The following IKZF2 variants were observed in gnomAD, a reference collection of about 807,000 sequenced individuals.
The protein encoded by IKZF2 is IKAROS family zinc finger 2, also known as zinc finger protein Helios.
Under a neutral mutation model 49.2 loss-of-function variants are expected in IKZF2, and 15 were observed. The observed-to-expected ratio is 0.30, with a 90% CI of 0.20 to 0.47. IKZF2 has a LOEUF of 0.47. IKZF2 is among the 20% of genes least tolerant of loss of function. The probability of loss-of-function intolerance (pLI) is 1.00; values close to 1 mark genes in which losing one functional copy is unlikely to be tolerated. For missense variants in IKZF2, 567 were observed against 664.6 expected (o/e 0.85, Z 1.61); for synonymous variants, 227 against 221.4 (o/e 1.03, Z -0.23).
intron 6 of IKZF2, among the ~76,000 whole-genome samples, chr2:213,037,437 C>T (rs1243247439): frequency 6.6e-6 from 1 of 152,064 alleles, no homozygotes; most frequent in Non-Finnish European, 1.5e-5. Context: ...TTATTAGAAA[C>T]AATAACGAAG....
intron 6 of IKZF2, among the ~76,000 whole-genome samples, chr2:213,030,662 C>A (rs1280820483): frequency 6.6e-6 from 1 of 151,908 alleles, no homozygotes; most frequent in Admixed American, 6.6e-5. Flanking sequence ...TTTAACCCAA[C>A]GTTTTCCAAA....
intron 4 of IKZF2, among the ~76,000 whole-genome samples, chr2:213,145,602 G>A (rs2061028957): frequency 6.6e-6 from 1 of 151,878 alleles, no homozygotes; most frequent in Non-Finnish European, 1.5e-5. Context: ...TATTTGCTTT[G>A]GCAATCTAAA....
At chr2:213,141,663 C>T (rs1420724684) in intron 4 of IKZF2, among the ~76,000 whole-genome samples, 1 of 151,818 alleles carries the variant, frequency 6.6e-6, no homozygotes, top group Non-Finnish European at 1.5e-5. Context: ...AAAAATATTT[C>T]CAAATGAGCA....
chr2:213,146,759 C>CGGCG (rs1553604931), intron 4 of IKZF2, among the ~76,000 whole-genome samples: 1 of 87,168 alleles, frequency 1.1e-5, no homozygotes, highest in African/African-American at 3.9e-5. Flanking sequence ...ATTAAATCTT[C>CGGCG]GGGGGGGGGG....
At chr2:213,056,464 T>C (rs1559215445) in intron 5 of IKZF2, 1 of 336,118 alleles carries the variant, frequency 3.0e-6, no homozygotes, top group South Asian at 2.7e-5. Flanking sequence ...CATTTTGTAG[T>C]ATAAACTCTT....
At chr2:213,135,606 G>A (rs543679794) in intron 4 of IKZF2, among the ~76,000 whole-genome samples, 1 of 151,814 alleles carries the variant, frequency 6.6e-6, no homozygotes, top group South Asian at 2.1e-4. Context: ...GATTGCTTGA[G>A]CCCAGGAGTT....
intron 4 of IKZF2, among the ~76,000 whole-genome samples, chr2:213,077,562 C>A (rs1356278674): frequency 1.5e-5 from 2 of 132,508 alleles, no homozygotes; most frequent in African/African-American, 5.6e-5. Flanking sequence ...GCTTCCAGTT[C>A]TGATACTATT....
chr2:213,016,297 C>A (rs1206467010), intron 7 of IKZF2, among the ~76,000 whole-genome samples: 1 of 152,112 alleles, frequency 6.6e-6, no homozygotes, highest in African/African-American at 2.4e-5. Flanking sequence ...TCAGGGTTTA[C>A]ATCTAGTTAG....
intron 4 of IKZF2, among the ~76,000 whole-genome samples, chr2:213,120,816 C>A (rs958738030): frequency 4.6e-5 from 7 of 152,148 alleles, no homozygotes; most frequent in Non-Finnish European, 1.0e-4. Flanking sequence ...TCTTGGCTCA[C>A]TGCAGCCTCA....
At chr2:213,079,661 ACAGTTGGG>A (rs1217888511) in intron 4 of IKZF2, among the ~76,000 whole-genome samples, 1 of 152,170 alleles carries the variant, frequency 6.6e-6, no homozygotes, top group Non-Finnish European at 1.5e-5. Flanking sequence ...TTGTCCCACC[ACAGTTGGG>A]CAGGATACAT....
intron 6 of IKZF2, among the ~76,000 whole-genome samples, chr2:213,023,124 G>A (rs967811243): frequency 1.3e-5 from 2 of 152,094 alleles, no homozygotes; most frequent in Non-Finnish European, 2.9e-5. Context: ...TGTGATCCAG[G>A]CCCGTGTCTC....
At chr2:213,013,453 A>G (rs545359840) in intron 8 of IKZF2, among the ~76,000 whole-genome samples, 102 of 152,010 alleles carry the variant, frequency 6.7e-4, no homozygotes, top group African/African-American at 2.4e-3. Context: ...ATTTTAAAAC[A>G]GATTACAAAA....
rs1021051706 is a variant in IKZF2 at position 213,087,694 on chromosome 2, C to G, written c.140-30595G>C. Among the ~76,000 whole-genome samples the G allele has an allele frequency of 6.6e-5, 10 of 152,226 alleles. 1 individual carries two copies. In the South Asian group the frequency reaches 2.1e-3, roughly 32 times the overall value. The stretch of plus-strand genomic sequence containing the variant: ...AGGCCCCAGTGTGTGATGTTCCCCA[C>G]CCTGTGTCCAAGTGTTCTCATTGTT... On this transcript the variant is annotated intron_variant, in intron 4 of 8. Transcript: ENST00000434687.
In IKZF2 at chr2:213,116,758, T is replaced by C. The variant is rs1044259402; in HGVS notation, c.139+30950A>G. On this transcript the variant is annotated intron_variant, in intron 4 of 8. Coordinates refer to ENST00000434687, the MANE Select transcript of IKZF2 (RefSeq NM_001387220.1). Reference sequence around the variant, plus strand: ...TGTCTCACACACAAAAATCTGCTATTATCATTTTGTATGGTAATTGGCTCT... The same window carrying C: ...TGTCTCACACACAAAAATCTGCTATCATCATTTTGTATGGTAATTGGCTCT... 2.6e-5 allele frequency among the ~76,000 whole-genome samples: 4 copies of C among 152,116 alleles called. No homozygotes were observed. In the South Asian group the frequency reaches 8.3e-4, roughly 32 times the overall value.
At chr2:213,076,171 A>G (rs1442257430) in intron 4 of IKZF2, among the ~76,000 whole-genome samples, 1 of 152,202 alleles carries the variant, frequency 6.6e-6, no homozygotes, top group African/African-American at 2.4e-5. Context: ...AACTTCATGA[A>G]ACCCCATTAC....
intron 6 of IKZF2, among the ~76,000 whole-genome samples, chr2:213,042,007 G>C (rs964065079): frequency 2.0e-5 from 3 of 152,124 alleles, no homozygotes; most frequent in Non-Finnish European, 2.9e-5. Flanking sequence ...ATTGTAGTTC[G>C]CATCATATAA....
At position 213,005,922 on chromosome 2, in the gene IKZF2, A is replaced by T. The variant is rs1165044754; in HGVS notation, c.*1438T>A. 1 of 152,084 alleles carries T rather than the reference A, an allele frequency of 6.6e-6. No homozygotes were observed. The highest frequency in any genetic ancestry group is 1.5e-5 in the Non-Finnish European group (1 of 67,996). The allele number at this position is 152,084 out of a possible 1,614,324, so 9.4% of individuals were successfully genotyped here. A position where few individuals can be genotyped will look rare whatever the true frequency, so the allele number is the denominator to read the frequency against. ...ATTTCTGACAAGGACTTACACAATT[A>T]AATGTTTTGGAAACAGAAAAATGTG... On this transcript the variant is annotated 3_prime_UTR_variant, in exon 9 of 9. Transcript: ENST00000434687.
chr2:213,138,033 G>C (rs2060737485), intron 4 of IKZF2, among the ~76,000 whole-genome samples: 2 of 152,098 alleles, frequency 1.3e-5, no homozygotes, highest in African/African-American at 4.8e-5. Flanking sequence ...TAATTTATTA[G>C]AACGTGACTT....
chr2:213,013,401 T>C (rs1189151374), intron 8 of IKZF2, among the ~76,000 whole-genome samples: 3 of 58,884 alleles, frequency 5.1e-5, no homozygotes, highest in South Asian at 4.7e-4. Flanking sequence ...TAAATGTTAA[T>C]AGGTTAAAAA....
Sources: allele counts gnomAD v4.1 joint callset (sites outside exome capture counted in the v4.1 genomes callset), GRCh38; gene constraint gnomAD v4.1.1; transcripts MANE v1.5; gene names NCBI Gene and HGNC (gene_info 2026-07-23, HGNC 2026-07-21).